DLG2: variants seen among roughly 807,000 people sequenced by gnomAD.
The protein encoded by DLG2 is discs large MAGUK scaffold protein 2.
Under a neutral mutation model 132.5 loss-of-function variants are expected in DLG2, and 45 were observed. The observed-to-expected ratio is 0.34, with a 90% CI of 0.27 to 0.44. DLG2 has a LOEUF of 0.44. Ranked by LOEUF, DLG2 falls within the 20% of genes least tolerant of loss-of-function variation. The probability of loss-of-function intolerance (pLI) is 1.00; values close to 1 mark genes in which losing one functional copy is unlikely to be tolerated. For missense variants in DLG2, 1,045 were observed against 1,196.9 expected (o/e 0.87, Z 1.87); for synonymous variants, 424 against 419.6 (o/e 1.01, Z -0.13).
At chr11:83,855,794 C>T (rs541013653) in intron 16 of DLG2, among the ~76,000 whole-genome samples, 36 of 151,866 alleles carry the variant, frequency 2.4e-4, no homozygotes, top group African/African-American at 7.5e-4. Flanking sequence ...GAGCCAAGAC[C>T]GTGCCACTAC....
At chr11:85,170,460 T>C (rs2078772793) in intron 4 of DLG2, among the ~76,000 whole-genome samples, 1 of 152,182 alleles carries the variant, frequency 6.6e-6, no homozygotes, top group South Asian at 2.1e-4. Context: ...TTCTGCTTTC[T>C]ATGACTCAGC....
chr11:85,423,283 GT>G (rs2090460883), intron 3 of DLG2, among the ~76,000 whole-genome samples: 1 of 152,230 alleles, frequency 6.6e-6, no homozygotes, highest in Non-Finnish European at 1.5e-5. Context: ...GATGTGAACT[GT>G]CTGTGGATCT....
chr11:84,548,841 A>G (rs2099396050), intron 6 of DLG2, among the ~76,000 whole-genome samples: 1 of 152,182 alleles, frequency 6.6e-6, no homozygotes. Context: ...GCCCAATAAA[A>G]TAGATTAAAG....
At chr11:84,364,024 A>T (rs181822121) in intron 7 of DLG2, among the ~76,000 whole-genome samples, 9,835 of 151,878 alleles carry the variant, frequency 0.065, 1,025 homozygotes, top group African/African-American at 0.22. Context: ...AACTTTAAAG[A>T]AGTTTTTTCC....
chr11:84,308,268 A>G (rs2098248494), intron 7 of DLG2, among the ~76,000 whole-genome samples: 1 of 152,122 alleles, frequency 6.6e-6, no homozygotes, highest in South Asian at 2.1e-4. Context: ...TTAGCTAGAT[A>G]CAGAGTGTGG....
chr11:84,280,862 A>C, intron 7 of DLG2, among the ~76,000 whole-genome samples: 2 of 122,186 alleles, frequency 1.6e-5, no homozygotes, highest in African/African-American at 3.0e-5. Context: ...CACCATGCCC[A>C]GCCAATTTTT....
At chr11:83,464,243 G>A (rs889457849) in intron 26 of DLG2, among the ~76,000 whole-genome samples, 6 of 152,188 alleles carry the variant, frequency 3.9e-5, no homozygotes, top group African/African-American at 1.4e-4. Flanking sequence ...ACACATCTTT[G>A]ATTTTATGCT....
chr11:85,590,893 T>A (rs2153232028), intron 3 of DLG2, among the ~76,000 whole-genome samples: 1 of 152,254 alleles, frequency 6.6e-6, no homozygotes, highest in South Asian at 2.1e-4. Context: ...GGTTTCACTA[T>A]CTCACTATAT....
chr11:84,764,574 T>C (rs2068125652), intron 6 of DLG2, among the ~76,000 whole-genome samples: 2 of 151,976 alleles, frequency 1.3e-5, no homozygotes, highest in South Asian at 4.1e-4. Context: ...AGAAAGAAAC[T>C]GAGTTTGGAA....
intron 6 of DLG2, among the ~76,000 whole-genome samples, chr11:84,679,291 C>T (rs186448546): frequency 2.6e-4 from 40 of 151,996 alleles, no homozygotes; most frequent in Admixed American, 1.4e-3. Flanking sequence ...AAATATTTCA[C>T]GTTTCAATGG....
intron 11 of DLG2, among the ~76,000 whole-genome samples, chr11:84,039,265 T>C (rs1423851409): frequency 1.3e-5 from 2 of 151,244 alleles, no homozygotes; most frequent in Non-Finnish European, 3.0e-5. Flanking sequence ...CATGTGCACA[T>C]TGTGCAGGTT....
chr11:84,196,089 T>A (rs1194164851), intron 8 of DLG2, among the ~76,000 whole-genome samples: 2 of 152,216 alleles, frequency 1.3e-5, no homozygotes, highest in African/African-American at 2.4e-5. Context: ...ATAGAAGCCA[T>A]CAAATATTTA....
intron 7 of DLG2, among the ~76,000 whole-genome samples, chr11:84,486,054 A>G (rs1462412697): frequency 1.3e-5 from 2 of 152,136 alleles, no homozygotes; most frequent in African/African-American, 2.4e-5. Context: ...AGAGACACAT[A>G]TGCCTTTTTC....
At chr11:84,848,721 G>A (rs1360017002) in intron 6 of DLG2, among the ~76,000 whole-genome samples, 1 of 152,126 alleles carries the variant, frequency 6.6e-6, no homozygotes, top group Non-Finnish European at 1.5e-5. Context: ...TATGCCTGCT[G>A]CTTTAATGGA....
At chr11:83,841,892 T>A (rs2057616778) in intron 16 of DLG2, among the ~76,000 whole-genome samples, 1 of 152,160 alleles carries the variant, frequency 6.6e-6, no homozygotes, top group African/African-American at 2.4e-5. Flanking sequence ...GAGCCACATG[T>A]AAACAAACGC....
chr11:83,914,308 C>T (rs569382166), intron 15 of DLG2, among the ~76,000 whole-genome samples: 2 of 152,278 alleles, frequency 1.3e-5, no homozygotes, highest in South Asian at 4.1e-4. Context: ...GATCCTGGCT[C>T]CCCTCTGCTA....
At chr11:85,520,784 G>C (rs1412428461) in intron 3 of DLG2, among the ~76,000 whole-genome samples, 1 of 152,094 alleles carries the variant, frequency 6.6e-6, no homozygotes, top group Non-Finnish European at 1.5e-5. Context: ...CCTCAATAAA[G>C]GGTGCTGGGA....
intron 6 of DLG2, among the ~76,000 whole-genome samples, chr11:85,099,363 C>T (rs1039475279): frequency 6.6e-6 from 1 of 152,176 alleles, no homozygotes; most frequent in Non-Finnish European, 1.5e-5. Flanking sequence ...TAAGCAGATG[C>T]AAGCAAGTCA....
At chr11:84,932,360 T>C (rs1015652302) in intron 6 of DLG2, among the ~76,000 whole-genome samples, 1 of 152,214 alleles carries the variant, frequency 6.6e-6, no homozygotes, top group African/African-American at 2.4e-5. Context: ...AGCACCATTA[T>C]TTACTGAATA....
Sources: gnomAD v4.1 joint callset for allele counts (sites outside exome capture counted in the v4.1 genomes callset) on GRCh38, gnomAD v4.1.1 for gene constraint, MANE v1.5 for transcripts, NCBI Gene and HGNC (gene_info 2026-07-23, HGNC 2026-07-21) for gene names.